ZNRF1: variants seen among roughly 807,000 people sequenced by gnomAD.
ZNRF1 encodes zinc and ring finger 1, also known as E3 ubiquitin-protein ligase ZNRF1.
A neutral mutation model predicts 18.4 loss-of-function variants in ZNRF1; 3 were observed. That is an observed-to-expected ratio of 0.16 (90% confidence interval 0.07 to 0.42). The LOEUF (loss-of-function observed/expected upper bound fraction) is 0.42. ZNRF1 is among the 10% of genes least tolerant of loss of function. ZNRF1 has a pLI of 0.99. For missense variants in ZNRF1, 310 were observed against 329.8 expected (o/e 0.94, Z 0.47); for synonymous variants, 157 against 144.2 (o/e 1.09, Z -0.64).
At chr16:75,021,114 C>T (rs1220277287) in intron 1 of ZNRF1, among the ~76,000 whole-genome samples, 1 of 152,154 alleles carries the variant, frequency 6.6e-6, no homozygotes, top group Non-Finnish European at 1.5e-5. Flanking sequence ...GGTCTCAGCT[C>T]AGTGCAACGT....
At chr16:75,054,842 A>C (rs975801875) in intron 1 of ZNRF1, among the ~76,000 whole-genome samples, 15 of 152,194 alleles carry the variant, frequency 9.9e-5, no homozygotes, top group Non-Finnish European at 1.9e-4. Context: ...CACTGCCCAC[A>C]TCACTGGGAC....
chr16:75,037,169 G>T (rs1261496665), intron 1 of ZNRF1, among the ~76,000 whole-genome samples: 1 of 152,160 alleles, frequency 6.6e-6, no homozygotes, highest in African/African-American at 2.4e-5. Flanking sequence ...GGATGATACT[G>T]TTGAGATCTG....
intron 1 of ZNRF1, among the ~76,000 whole-genome samples, chr16:75,038,459 A>G (rs946033468): frequency 1.3e-5 from 2 of 152,194 alleles, no homozygotes; most frequent in Non-Finnish European, 2.9e-5. Flanking sequence ...CCTAGGGCCT[A>G]CTAGCCTTGG....
At chr16:75,084,429 G>C (rs1283664883) in intron 1 of ZNRF1, 1 of 152,170 alleles carries the variant, frequency 6.6e-6, no homozygotes, top group Non-Finnish European at 1.5e-5. Flanking sequence ...GAACTCTTAG[G>C]ATGAAGAGAA....
chr16:75,082,764 C>T (rs1011301757), intron 1 of ZNRF1, among the ~76,000 whole-genome samples: 4 of 152,076 alleles, frequency 2.6e-5, no homozygotes, highest in Non-Finnish European at 5.9e-5. Context: ...ATGTTGCCCA[C>T]GCTGGTCTTG....
chr16:75,071,274 A>G (rs1009760008), intron 1 of ZNRF1, among the ~76,000 whole-genome samples: 4 of 151,982 alleles, frequency 2.6e-5, no homozygotes, highest in Non-Finnish European at 4.4e-5. Context: ...TAATTTTTGT[A>G]TTTTTAGTAG....
chr16:75,034,726 A>C lies in ZNRF1; in HGVS notation c.424+34631A>C, dbSNP rs145924863. ...ACTGCAGCCTCTGCCCCCTGGGTTC[A>C]AGTGATTCTTATGCCTCAGCCTCCC... On this transcript the variant is annotated intron_variant, in intron 1 of 4. Coordinates refer to ENST00000335325, the MANE Select transcript of ZNRF1 (RefSeq NM_032268.5). 3.0e-4 allele frequency among the ~76,000 whole-genome samples: 45 copies of C among 152,284 alleles called. 1 individual carries two copies. The highest frequency in any genetic ancestry group is 9.6e-4 in the African/African-American group (40 of 41,568).
At chr16:75,055,566 C>T (rs1038975999) in intron 1 of ZNRF1, among the ~76,000 whole-genome samples, 1 of 152,168 alleles carries the variant, frequency 6.6e-6, no homozygotes, top group Admixed American at 6.5e-5. Context: ...TTGCTCGTCT[C>T]CCTATGAGAG....
At chr16:75,039,738 G>T (rs533941067) in intron 1 of ZNRF1, among the ~76,000 whole-genome samples, 2 of 152,328 alleles carry the variant, frequency 1.3e-5, no homozygotes, top group African/African-American at 4.8e-5. Flanking sequence ...TCTGTCAACA[G>T]GTGTTCCAGG....
chr16:75,090,030 C>A (rs965202385), intron 1 of ZNRF1, among the ~76,000 whole-genome samples: 1 of 152,190 alleles, frequency 6.6e-6, no homozygotes, highest in Non-Finnish European at 1.5e-5. Flanking sequence ...AAGGCCTGTC[C>A]TAGACCACAT....
chr16:75,062,289 C>T (rs565361108), intron 1 of ZNRF1, among the ~76,000 whole-genome samples: 10 of 152,304 alleles, frequency 6.6e-5, no homozygotes, highest in Middle Eastern at 3.4e-3. Flanking sequence ...CCCCGGGAGA[C>T]GAAGGCAGCA....
chr16:75,050,245 C>T (rs2035575850), intron 1 of ZNRF1, among the ~76,000 whole-genome samples: 1 of 151,980 alleles, frequency 6.6e-6, no homozygotes, highest in South Asian at 2.1e-4. Flanking sequence ...AATACTTGTG[C>T]CCAGATGCAG....
intron 1 of ZNRF1, among the ~76,000 whole-genome samples, chr16:75,055,815 TC>T (rs1215791154): frequency 2.6e-5 from 4 of 152,216 alleles, no homozygotes; most frequent in Admixed American, 6.5e-5. Flanking sequence ...TTATTGCCTT[TC>T]CTACTAAAAG....
At chr16:75,010,589 G>C (rs916741647) in intron 1 of ZNRF1, among the ~76,000 whole-genome samples, 2 of 151,922 alleles carry the variant, frequency 1.3e-5, no homozygotes, top group Non-Finnish European at 2.9e-5. Context: ...AATCAGACTT[G>C]TCATAGGAGT....
At chr16:75,073,058 G>A (rs1444326023) in intron 1 of ZNRF1, among the ~76,000 whole-genome samples, 1 of 151,882 alleles carries the variant, frequency 6.6e-6, no homozygotes, top group Non-Finnish European at 1.5e-5. Flanking sequence ...GGAGGCCAAG[G>A]TGGGAGGAAT....
intron 1 of ZNRF1, among the ~76,000 whole-genome samples, chr16:75,034,255 T>A (rs560791754): frequency 2.0e-5 from 3 of 152,342 alleles, no homozygotes; most frequent in Non-Finnish European, 4.4e-5. Flanking sequence ...CCTAGAACTT[T>A]TTCATCTTGC....
chr16:75,079,041 C>T (rs1426857432), intron 1 of ZNRF1, among the ~76,000 whole-genome samples: 53 of 152,196 alleles, frequency 3.5e-4, no homozygotes, highest in Admixed American at 2.4e-3. Context: ...CTTATCTACC[C>T]GGTTCAAGTA....
chr16:75,080,071 A>G (rs2145410013), intron 1 of ZNRF1, among the ~76,000 whole-genome samples: 1 of 152,218 alleles, frequency 6.6e-6, no homozygotes, highest in East Asian at 1.9e-4. Flanking sequence ...ACCCGCCACC[A>G]TGCCTGGCTA....
At chr16:75,068,577 A>C (rs1173847346) in intron 1 of ZNRF1, among the ~76,000 whole-genome samples, 1 of 152,100 alleles carries the variant, frequency 6.6e-6, no homozygotes, top group Non-Finnish European at 1.5e-5. Flanking sequence ...TTGTCCAAAA[A>C]GCTACAGACC....
Sources: allele counts gnomAD v4.1 joint callset (sites outside exome capture counted in the v4.1 genomes callset), GRCh38; gene constraint gnomAD v4.1.1; transcripts MANE v1.5; gene names NCBI Gene and HGNC (gene_info 2026-07-23, HGNC 2026-07-21).